Variants in RBM6 observed in about 807,000 individuals in gnomAD.
The protein encoded by RBM6 is RNA-binding protein 6.
In RBM6, 23 loss-of-function variants were observed where a neutral mutation model predicts 140.4. The ratio of observed to expected loss-of-function variants is 0.16; its 90% CI spans 0.12 to 0.23. RBM6 has a LOEUF of 0.23. Among genes scored for constraint, RBM6 ranks in the 10% least tolerant of loss-of-function variants. The pLI is 1.00. For missense variants in RBM6, 1,139 were observed against 1,386.7 expected (o/e 0.82, Z 2.84); for synonymous variants, 439 against 475.6 (o/e 0.92, Z 1.00).
At chr3:50,026,130 G>A (rs887226216) in intron 6 of RBM6, among the ~76,000 whole-genome samples, 5 of 151,678 alleles carry the variant, frequency 3.3e-5, no homozygotes, top group Non-Finnish European at 7.4e-5. Flanking sequence ...CGTCTTCCAG[G>A]CTGGAGTGCA....
At chr3:49,991,226 G>A (rs993512456) in intron 5 of RBM6, among the ~76,000 whole-genome samples, 1 of 152,234 alleles carries the variant, frequency 6.6e-6, no homozygotes, top group Non-Finnish European at 1.5e-5. Flanking sequence ...AGTGTTGAGT[G>A]TAGGAGTCTC....
At chr3:49,945,678 C>T (rs1312671996) in intron 1 of RBM6, among the ~76,000 whole-genome samples, 2 of 151,816 alleles carry the variant, frequency 1.3e-5, no homozygotes, top group South Asian at 2.1e-4. Context: ...GTCAGGAGAT[C>T]GAGACCATCC....
chr3:49,987,878 A>G (rs1461927386), intron 5 of RBM6, among the ~76,000 whole-genome samples: 1 of 152,122 alleles, frequency 6.6e-6, no homozygotes, highest in Admixed American at 6.6e-5. Context: ...ACTTCAGGTG[A>G]TCCACCCACC....
chr3:49,984,276 A>C (rs1424139610), intron 5 of RBM6, among the ~76,000 whole-genome samples: 64 of 151,912 alleles, frequency 4.2e-4, no homozygotes, highest in Non-Finnish European at 5.9e-5. Context: ...GCACTCCAGC[A>C]TGGGCAACAG....
At chr3:49,981,819 A>C (rs2085316935) in intron 5 of RBM6, among the ~76,000 whole-genome samples, 1 of 152,234 alleles carries the variant, frequency 6.6e-6, no homozygotes. Flanking sequence ...GAATGCAGGC[A>C]GAATTGCTTT....
intron 3 of RBM6, among the ~76,000 whole-genome samples, chr3:49,969,622 C>G (rs1228869948): frequency 6.6e-6 from 1 of 151,124 alleles, no homozygotes; most frequent in Non-Finnish European, 1.5e-5. Flanking sequence ...ATTTGAGACA[C>G]GGTCTTGCTC....
At chr3:49,956,945 G>A (rs545036571) in intron 1 of RBM6, among the ~76,000 whole-genome samples, 41 of 152,318 alleles carry the variant, frequency 2.7e-4, no homozygotes, top group Non-Finnish European at 2.2e-4. Context: ...GATTACAGGC[G>A]TAAGCCACCA....
At chr3:50,058,719 C>G (rs1036701778) in intron 10 of RBM6, 157 bp downstream of exon 10, 26 of 667,868 alleles carry the variant, frequency 3.9e-5, no homozygotes, top group Non-Finnish European at 5.4e-5. Flanking sequence ...TCAAGACCAT[C>G]CTGGCTAACA....
At chr3:50,005,537 G>A (rs1234742191) in intron 6 of RBM6, among the ~76,000 whole-genome samples, 1 of 150,782 alleles carries the variant, frequency 6.6e-6, no homozygotes, top group African/African-American at 2.4e-5. Context: ...TATGTTTTTA[G>A]TGATGAGAAT....
At chr3:50,074,550 A>G (rs966457634) in intron 19 of RBM6, among the ~76,000 whole-genome samples, 2 of 151,962 alleles carry the variant, frequency 1.3e-5, no homozygotes, top group Non-Finnish European at 1.5e-5. Flanking sequence ...CGAACTCCCA[A>G]CCTCAGGTGA....
intron 6 of RBM6, among the ~76,000 whole-genome samples, chr3:50,031,308 A>T (rs1434540923): frequency 6.6e-6 from 1 of 152,228 alleles, no homozygotes; most frequent in Non-Finnish European, 1.5e-5. Flanking sequence ...CACTATTCAC[A>T]ATAGCAAAGA....
intron 6 of RBM6, chr3:50,047,426 C>T (rs2089275261): frequency 2.0e-5 from 14 of 710,854 alleles, no homozygotes; most frequent in Non-Finnish European, 2.2e-5. Flanking sequence ...GTTTATTAAA[C>T]AAAACTTTAT....
rs559948742 is a variant in RBM6, at chr3:50,064,129, C to T, written c.2587-902C>T. ...TGTATTTTTAGTAGAGACGCGGTTT[C>T]ACCATGTTGGTCAAGCTGGTCTCGA... On this transcript the variant is annotated intron_variant, in intron 15 of 20. Transcript: ENST00000266022. Among the ~76,000 whole-genome samples, 4 of 152,110 alleles carry T rather than the reference C, an allele frequency of 2.6e-5. No individual in the cohort carries two copies. The East Asian group carries it at 7.8e-4, about 30-fold the overall frequency.
At chr3:49,992,509 T>G (rs1367747379) in intron 5 of RBM6, among the ~76,000 whole-genome samples, 4 of 152,328 alleles carry the variant, frequency 2.6e-5, no homozygotes. Context: ...TCTCTGATAA[T>G]GCTTATTTCA....
At chr3:49,959,190 T>TC (rs1370111065) in intron 1 of RBM6, among the ~76,000 whole-genome samples, 2 of 140,602 alleles carry the variant, frequency 1.4e-5, no homozygotes, top group African/African-American at 2.6e-5. Flanking sequence ...TTTTTTTCCT[T>TC]TTTTTTTTTT....
At chr3:50,012,175 C>T (rs934159266) in intron 6 of RBM6, among the ~76,000 whole-genome samples, 9 of 152,022 alleles carry the variant, frequency 5.9e-5, no homozygotes, top group Middle Eastern at 3.4e-3. Flanking sequence ...TTACCTCAAT[C>T]GGATCCCCGT....
chr3:50,037,529 G>C (rs2088615511), intron 6 of RBM6, among the ~76,000 whole-genome samples: 1 of 152,172 alleles, frequency 6.6e-6, no homozygotes, highest in African/African-American at 2.4e-5. Context: ...AATCAAGTCA[G>C]CAAGACTCTT....
At chr3:50,034,037 G>T (rs138600067) in intron 6 of RBM6, among the ~76,000 whole-genome samples, 9 of 150,996 alleles carry the variant, frequency 6.0e-5, no homozygotes, top group Non-Finnish European at 4.4e-5. Flanking sequence ...CACCATTTCT[G>T]CCAGGCCCAT....
chr3:49,943,425 T>C (rs2108561547), intron 1 of RBM6, among the ~76,000 whole-genome samples: 1 of 152,176 alleles, frequency 6.6e-6, no homozygotes, highest in East Asian at 1.9e-4. Context: ...CTCAGCTTCC[T>C]GAGTAGCTGG....
Sources: gnomAD v4.1 joint callset for allele counts (sites outside exome capture counted in the v4.1 genomes callset) on GRCh38, gnomAD v4.1.1 for gene constraint, MANE v1.5 for transcripts, NCBI Gene and HGNC (gene_info 2026-07-23, HGNC 2026-07-21) for gene names.